Variants in TSKS observed in about 807,000 individuals in gnomAD.
TSKS encodes testis specific serine kinase substrate.
TSKS carries 27 observed loss-of-function variants against 68.0 expected under a neutral mutation model. That is an observed-to-expected ratio of 0.40 (90% CI 0.29 to 0.55). The LOEUF (loss-of-function observed/expected upper bound fraction) is 0.55, where lower values mean the gene tolerates loss of function less well. Ranked by LOEUF, TSKS falls within the 20% of genes least tolerant of loss-of-function variation. The pLI, the probability that TSKS is intolerant of heterozygous loss-of-function variation, is 0.53. For missense variants in TSKS, 806 were observed against 776.0 expected, an observed-to-expected ratio of 1.04 and a Z score of -0.46; for synonymous variants, 331 against 340.4, an observed-to-expected ratio of 0.97 and a Z score of 0.30.
At position 49,739,921 on chromosome 19, in the gene TSKS, G is replaced by T. The variant is rs1322556532; in HGVS notation, c.1634C>A (p.Ala545Asp). ...CTTCAAGTGTAGATGGTCCAGAGTGGCCATCTTCTCCCTGTCATGAGGCAG... is the reference window on the plus strand; with the variant it reads ...CTTCAAGTGTAGATGGTCCAGAGTGTCCATCTTCTCCCTGTCATGAGGCAG... ...TDKMKPEEKM[A>D]TLDHLHLKMC... Residue 545 changes from alanine to aspartate, a missense_variant, in exon 11 of 11, where the codon GCC (alanine) becomes GAC (aspartate). Ala to Asp is a moderately radical substitution (Grantham distance 126, BLOSUM62 -2). Transcript: ENST00000246801. 1.2e-6 allele frequency: 2 copies of T among 1,611,396 alleles called. No homozygotes were observed.
rs369128447 is a variant in TSKS, at chr19:49,746,185, AAAAAC to A, written c.992+280_992+284del. ...GCGACAAGCGAGACTCCGCCTCAAA[AAAAAC>A]AAAACAAAACAAAAAACGATCTTTG... On this transcript the variant is annotated intron_variant, in intron 6 of 10. Transcript: ENST00000246801. Among the ~76,000 whole-genome samples, 138 of 152,156 alleles carry A rather than the reference AAAAAC, an allele frequency of 9.1e-4. 1 individual carries two copies. The South Asian group carries it at 0.024, about 26-fold the overall frequency.
In TSKS at chr19:49,742,000, G is replaced by T. The variant is rs755133449; in HGVS notation, c.1382C>A (p.Thr461Lys). 1 of 1,613,954 alleles carries T rather than the reference G, an allele frequency of 6.2e-7. No individual in the cohort carries two copies. The highest frequency in any genetic ancestry group is 1.3e-5 in the African/African-American group (1 of 74,914). Residue 461 changes from threonine to lysine, a missense_variant, in exon 9 of 11, where the codon ACG becomes AAG. Coordinates refer to ENST00000246801, the MANE Select transcript of TSKS (RefSeq NM_021733.2). ...GTCCAGCAGCTGCTGCAGGGACTCC[G>T]TAGACAACTGCGACCCCTGGCTGGG... is the stretch of plus-strand genomic sequence containing the variant. Reference protein sequence around the residue: ...RCASQGSQLSTESLQQLLDRA... With the variant: ...RCASQGSQLSKESLQQLLDRA...
chr19:49,744,341 C>T lies in TSKS; in HGVS notation c.1251G>A (p.Leu417=). 6.2e-7 allele frequency: 1 copy of T among 1,614,090 alleles called. No individual in the cohort carries two copies. The highest frequency in any genetic ancestry group is 8.5e-7 in the Non-Finnish European group (1 of 1,180,010). ...LRSELEGLGP[L]KPILEEFGRQ... is the part of the protein sequence containing the mutation. ...GCCCGAACTCCTCCAGAATGGGTTT[C>T]AGTGGGCCCAGCCCCTCCAGTTCGC... is the stretch of plus-strand genomic sequence containing the variant. The change falls in exon 8 of 11, where the codon CTG becomes CTA. Residue 417 remains leucine, a synonymous_variant. Coordinates refer to ENST00000246801, the MANE Select transcript of TSKS (RefSeq NM_021733.2).
chr19:49,746,266 G>A (rs1333176920), intron 6 of TSKS, among the ~76,000 whole-genome samples: 1 of 147,804 alleles, frequency 6.8e-6, no homozygotes, highest in Admixed American at 6.7e-5. Flanking sequence ...GACTCCTCCC[G>A]TGTCTCTACC....
chr19:49,743,489 A>AT (rs2084269415), intron 8 of TSKS, among the ~76,000 whole-genome samples: 2 of 136,758 alleles, frequency 1.5e-5, no homozygotes, highest in African/African-American at 2.8e-5. Flanking sequence ...GTCCAAGTGA[A>AT]TTTCTTTTTT....
intron 2 of TSKS, among the ~76,000 whole-genome samples, chr19:49,749,226 C>T (rs73064102): frequency 0.1 from 15,628 of 152,144 alleles, 910 homozygotes; most frequent in South Asian, 0.23. Flanking sequence ...TTCACAACTC[C>T]GCCTCTTGAG....
At chr19:49,759,680 A>G (rs996319263) in intron 2 of TSKS, among the ~76,000 whole-genome samples, 2 of 150,276 alleles carry the variant, frequency 1.3e-5, no homozygotes, top group South Asian at 2.1e-4. Flanking sequence ...AAAGAAAAAA[A>G]TTTGTTTAGC....
At chr19:49,741,447 A>G (rs2084251422) in intron 9 of TSKS, among the ~76,000 whole-genome samples, 1 of 152,064 alleles carries the variant, frequency 6.6e-6, no homozygotes, top group Non-Finnish European at 1.5e-5. Context: ...CTGTGGTTCC[A>G]TTTCCCATAA....
intron 2 of TSKS, among the ~76,000 whole-genome samples, chr19:49,761,255 G>A (rs976935126): frequency 6.6e-6 from 1 of 152,126 alleles, no homozygotes; most frequent in African/African-American, 2.4e-5. Context: ...TCAGTATCTG[G>A]TAGAGCCTGT....
intron 9 of TSKS, 43 bp downstream of exon 9, chr19:49,741,842 C>A: frequency 6.2e-7 from 1 of 1,613,064 alleles, no homozygotes; most frequent in South Asian, 1.1e-5. Flanking sequence ...CTTGCCCCAA[C>A]AGAAAAGTAA....
chr19:49,746,823 C>T (rs1357979641), intron 5 of TSKS, 25 bp from the exon 6 acceptor site: 5 of 1,591,234 alleles, frequency 3.1e-6, no homozygotes, highest in Admixed American at 1.7e-5. Flanking sequence ...AGGACGGGGT[C>T]ACAGCGTCCA....
chr19:49,752,237 C>A (rs563207862), intron 2 of TSKS, among the ~76,000 whole-genome samples: 25 of 151,008 alleles, frequency 1.7e-4, no homozygotes, highest in Admixed American at 4.0e-4. Context: ...TACAAAAATT[C>A]GCCAGGAATA....
intron 7 of TSKS, among the ~76,000 whole-genome samples, 166 bp downstream of exon 7, chr19:49,745,036 T>C (rs1293795696): frequency 6.6e-6 from 1 of 152,196 alleles, no homozygotes; most frequent in Non-Finnish European, 1.5e-5. Context: ...TTATTAGGGC[T>C]GATGCAACCC....
intron 2 of TSKS, 74 bp from the exon 3 acceptor site, chr19:49,748,543 A>T (rs2123611676): frequency 1.4e-6 from 2 of 1,423,150 alleles, no homozygotes; most frequent in East Asian, 4.6e-5. Flanking sequence ...GAATTCCAGA[A>T]CTGGGAGGCT....
intron 9 of TSKS, 51 bp downstream of exon 9, chr19:49,741,834 T>C (rs2084254741): frequency 6.2e-7 from 1 of 1,612,474 alleles, no homozygotes; most frequent in Non-Finnish European, 8.5e-7. Context: ...CCCCTCCCCT[T>C]GCCCCAACAG....
At chr19:49,747,339 G>C (rs767155916) in intron 5 of TSKS, 50 bp downstream of exon 5, 1 of 1,613,610 alleles carries the variant, frequency 6.2e-7, no homozygotes, top group Non-Finnish European at 8.5e-7. Context: ...TGAGTCCCTC[G>C]TGCATCTGAC....
At chr19:49,748,221 G>A (rs1568563092) in intron 3 of TSKS, 53 bp from the exon 4 acceptor site, 1 of 1,599,306 alleles carries the variant, frequency 6.3e-7, no homozygotes. Flanking sequence ...GACAGCCTGT[G>A]GAAAAGAAGA....
Position 49,746,746 on chromosome 19 carries a change from T to C in TSKS, c.716A>G (p.Gln239Arg), listed in dbSNP as rs1217032619. The C allele has an allele frequency of 6.2e-7, 1 of 1,601,878 alleles. No individual in the cohort carries two copies. The highest frequency in any genetic ancestry group is 8.5e-7 in the Non-Finnish European group (1 of 1,179,620). The change falls in exon 6 of 11, where the codon CAG becomes CGG. Residue 239 changes from glutamine (Q) to arginine (R), a missense_variant. Coordinates refer to ENST00000246801, the MANE Select transcript of TSKS (RefSeq NM_021733.2). Reference sequence around the variant, plus strand: ...CTCCGGCTCCTGCAGCTCGGCCTCCTGCCGTCGCGGCGTCTCATCCTGCAG... The same window carrying C: ...CTCCGGCTCCTGCAGCTCGGCCTCCCGCCGTCGCGGCGTCTCATCCTGCAG... The part of the protein sequence containing the change: ...QQLQDETPRR[Q>R]EAELQEPEEK...
chr19:49,754,553 T>C (rs1347416431), intron 2 of TSKS, among the ~76,000 whole-genome samples: 1 of 151,684 alleles, frequency 6.6e-6, no homozygotes, highest in Non-Finnish European at 1.5e-5. Context: ...TTATAAGGCA[T>C]GCAAAGAAAA....
Sources: gnomAD v4.1 joint callset for allele counts (sites outside exome capture counted in the v4.1 genomes callset) on GRCh38, gnomAD v4.1.1 for gene constraint, MANE v1.5 for transcripts, NCBI Gene and HGNC (gene_info 2026-07-23, HGNC 2026-07-21) for gene names.